PDE4B: variants seen among roughly 807,000 people sequenced by gnomAD.
PDE4B encodes phosphodiesterase 4B.
In PDE4B, 20 loss-of-function variants were observed where a neutral mutation model predicts 82.2. That is an observed-to-expected ratio of 0.24 (90% CI 0.17 to 0.35). PDE4B has a LOEUF of 0.35. PDE4B is among the 10% of genes least tolerant of loss of function. The pLI is 1.00. For synonymous variants in PDE4B, 320 were observed against 318.9 expected, an observed-to-expected ratio of 1.00 and a Z score of -0.04; for missense variants, 655 against 907.2, an observed-to-expected ratio of 0.72 and a Z score of 3.57.
intron 1 of PDE4B, among the ~76,000 whole-genome samples, chr1:65,799,591 C>G (rs890593134): frequency 6.6e-6 from 1 of 152,162 alleles, no homozygotes; most frequent in African/African-American, 2.4e-5. Context: ...TACTCATGCA[C>G]TAACTGTGGA....
chr1:65,866,202 A>T (rs1571037281), intron 1 of PDE4B, among the ~76,000 whole-genome samples: 1 of 152,104 alleles, frequency 6.6e-6, no homozygotes, highest in Non-Finnish European at 1.5e-5. Context: ...CCTTAGTTTT[A>T]TGGTTATATG....
At chr1:66,007,919 G>A (rs928593005) in intron 3 of PDE4B, among the ~76,000 whole-genome samples, 2 of 152,110 alleles carry the variant, frequency 1.3e-5, no homozygotes, top group Non-Finnish European at 2.9e-5. Context: ...TAGTACATGT[G>A]TTCTGATTTG....
intron 16 of PDE4B, among the ~76,000 whole-genome samples, chr1:66,369,677 A>G (rs1663530571): frequency 6.6e-6 from 1 of 152,250 alleles, no homozygotes; most frequent in African/African-American, 2.4e-5. Flanking sequence ...GAATGAGTTC[A>G]TAGACTGTCC....
chr1:66,060,828 A>T (rs756658735), intron 3 of PDE4B, among the ~76,000 whole-genome samples: 1 of 151,996 alleles, frequency 6.6e-6, no homozygotes, highest in Non-Finnish European at 1.5e-5. Flanking sequence ...ATGAAGTGTG[A>T]GGTCAGTGTC....
At chr1:66,009,427 T>C (rs1202847150) in intron 3 of PDE4B, among the ~76,000 whole-genome samples, 1 of 152,182 alleles carries the variant, frequency 6.6e-6, no homozygotes, top group East Asian at 1.9e-4. Flanking sequence ...GCCACAGTGA[T>C]CCTTTATATT....
intron 3 of PDE4B, among the ~76,000 whole-genome samples, chr1:66,188,266 A>C (rs376889988): frequency 1.3e-5 from 2 of 150,252 alleles, no homozygotes; most frequent in Non-Finnish European, 3.0e-5. Flanking sequence ...TATGTGGTCA[A>C]TTTTGCAATA....
intron 1 of PDE4B, among the ~76,000 whole-genome samples, chr1:65,809,467 A>G (rs2101192315): frequency 6.6e-6 from 1 of 152,268 alleles, no homozygotes; most frequent in East Asian, 1.9e-4. Flanking sequence ...AATGGAAAAT[A>G]CACTCATTAA....
chr1:66,275,054 G>C (rs1478129273), intron 7 of PDE4B, among the ~76,000 whole-genome samples: 3 of 152,174 alleles, frequency 2.0e-5, no homozygotes. Flanking sequence ...AAAGTCAGGA[G>C]GGAGAATGGA....
At chr1:65,910,524 G>A (rs540081229) in intron 1 of PDE4B, among the ~76,000 whole-genome samples, 93 of 152,282 alleles carry the variant, frequency 6.1e-4, no homozygotes, top group Non-Finnish European at 1.0e-3. Context: ...GTAGGAAATA[G>A]ATTGTTCTCT....
intron 3 of PDE4B, among the ~76,000 whole-genome samples, chr1:66,103,436 T>G (rs1181274699): frequency 1.3e-5 from 2 of 152,130 alleles, no homozygotes; most frequent in Non-Finnish European, 2.9e-5. Context: ...GAGGCCAGCA[T>G]ATGTGCCATT....
chr1:66,137,215 G>T (rs1028984845), intron 3 of PDE4B, among the ~76,000 whole-genome samples: 3 of 152,132 alleles, frequency 2.0e-5, no homozygotes, highest in Non-Finnish European at 4.4e-5. Context: ...ATAATTGATG[G>T]TAGATGGTTA....
At chr1:65,938,483 A>G (rs1296023575) in intron 3 of PDE4B, among the ~76,000 whole-genome samples, 1 of 152,188 alleles carries the variant, frequency 6.6e-6, no homozygotes, top group African/African-American at 2.4e-5. Flanking sequence ...GCTTTATTCA[A>G]ATGTGTGGTT....
At chr1:65,958,791 CAT>C (rs1649397297) in intron 3 of PDE4B, among the ~76,000 whole-genome samples, 1 of 151,900 alleles carries the variant, frequency 6.6e-6, no homozygotes, top group Admixed American at 6.6e-5. Context: ...CGCAAAATAC[CAT>C]AGTGTTACCT....
At chr1:66,319,098 A>G (rs961688766) in intron 7 of PDE4B, among the ~76,000 whole-genome samples, 1 of 152,244 alleles carries the variant, frequency 6.6e-6, no homozygotes, top group African/African-American at 2.4e-5. Context: ...CACTTAGACT[A>G]CAAAATACAA....
chr1:66,144,207 A>G (rs1351979193), intron 3 of PDE4B, among the ~76,000 whole-genome samples: 1 of 152,238 alleles, frequency 6.6e-6, no homozygotes, highest in Non-Finnish European at 1.5e-5. Flanking sequence ...GTTTTTTTCC[A>G]TTGAAGAACT....
At chr1:65,912,040 CAGTG>C (rs1185331300) in intron 1 of PDE4B, among the ~76,000 whole-genome samples, 1 of 151,838 alleles carries the variant, frequency 6.6e-6, no homozygotes, top group East Asian at 1.9e-4. Context: ...TAAATGGACA[CAGTG>C]AAAAAAATAT....
chr1:66,198,510 A>G (rs1292596845), intron 3 of PDE4B, among the ~76,000 whole-genome samples: 2 of 152,154 alleles, frequency 1.3e-5, no homozygotes. Flanking sequence ...GAGAAACTAC[A>G]ATAGAAATAC....
chr1:66,182,414 G>C (rs966302480), intron 3 of PDE4B, among the ~76,000 whole-genome samples: 2 of 152,078 alleles, frequency 1.3e-5, no homozygotes, highest in African/African-American at 4.8e-5. Context: ...AGACATTAAA[G>C]AAAATTGCTC....
chr1:65,878,638 A>G (rs1646675609), intron 1 of PDE4B, among the ~76,000 whole-genome samples: 1 of 152,102 alleles, frequency 6.6e-6, no homozygotes, highest in Non-Finnish European at 1.5e-5. Flanking sequence ...GGAACAGAAA[A>G]CCAAACACTG....
Sources: gnomAD v4.1 joint callset for allele counts (sites outside exome capture counted in the v4.1 genomes callset) on GRCh38, gnomAD v4.1.1 for gene constraint, MANE v1.5 for transcripts, NCBI Gene and HGNC (gene_info 2026-07-23, HGNC 2026-07-21) for gene names.